The following CACNA2D3 variants were observed in gnomAD, a reference collection of about 807,000 sequenced individuals.
CACNA2D3 encodes the protein voltage-dependent calcium channel subunit alpha-2/delta-3.
Under a neutral mutation model 160.6 loss-of-function variants are expected in CACNA2D3, and 60 were observed. The ratio of observed to expected loss-of-function variants is 0.37; its 90% CI spans 0.30 to 0.46. CACNA2D3 has a LOEUF of 0.46. Among genes scored for constraint, CACNA2D3 ranks in the 20% least tolerant of loss-of-function variants. The probability of loss-of-function intolerance (pLI) is 1.00; values close to 1 mark genes in which losing one functional copy is unlikely to be tolerated. For synonymous variants in CACNA2D3, 558 were observed against 492.9 expected, an observed-to-expected ratio of 1.13 and a Z score of -1.75; for missense variants, 1,205 against 1,365.0, an observed-to-expected ratio of 0.88 and a Z score of 1.85.
intron 4 of CACNA2D3, among the ~76,000 whole-genome samples, chr3:54,403,181 C>T (rs1033124793): frequency 6.6e-6 from 1 of 151,744 alleles, no homozygotes; most frequent in Non-Finnish European, 1.5e-5. Flanking sequence ...CAAGTGAGAC[C>T]TGTCTCTGCA....
At chr3:54,822,790 C>CCTTTCTTTCTTTCTTTCTTTCTTTTCTTT (rs1703653575) in intron 14 of CACNA2D3, among the ~76,000 whole-genome samples, 1 of 71,912 alleles carries the variant, frequency 1.4e-5, no homozygotes, top group African/African-American at 5.8e-5. Context: ...TTCTTTCTTT[C>CCTTTCTTTCTTTCTTTCTTTCTTTTCTTT]CTTTCTTTCT....
At chr3:54,824,425 G>C (rs1232170733) in intron 14 of CACNA2D3, among the ~76,000 whole-genome samples, 1 of 152,226 alleles carries the variant, frequency 6.6e-6, no homozygotes, top group Non-Finnish European at 1.5e-5. Context: ...TGGAAAAAAT[G>C]AAGTGGGGTG....
At chr3:55,011,315 G>A (rs1485833289) in intron 34 of CACNA2D3, among the ~76,000 whole-genome samples, 2 of 152,156 alleles carry the variant, frequency 1.3e-5, no homozygotes, top group Non-Finnish European at 2.9e-5. Flanking sequence ...ACCCAATTTT[G>A]CTCCTCCCTG....
At chr3:54,206,180 C>A (rs930569460) in intron 2 of CACNA2D3, among the ~76,000 whole-genome samples, 1 of 152,126 alleles carries the variant, frequency 6.6e-6, no homozygotes, top group Non-Finnish European at 1.5e-5. Flanking sequence ...ATTCTCTTTT[C>A]GCATTTCTAG....
intron 13 of CACNA2D3, among the ~76,000 whole-genome samples, chr3:54,779,378 T>G (rs1168548913): frequency 6.6e-6 from 1 of 152,204 alleles, no homozygotes; most frequent in Non-Finnish European, 1.5e-5. Context: ...AGATTACAGG[T>G]GTGAGCTACC....
chr3:54,392,661 G>T (rs1239592009), intron 4 of CACNA2D3, among the ~76,000 whole-genome samples: 1 of 152,132 alleles, frequency 6.6e-6, no homozygotes, highest in African/African-American at 2.4e-5. Flanking sequence ...CAAAGGTGGG[G>T]TGGGGGCTTT....
At position 54,876,667 on chromosome 3, in the gene CACNA2D3, C is replaced by T. The variant is rs116293932; in HGVS notation, c.1711-2351C>T. 6.6e-3 allele frequency among the ~76,000 whole-genome samples: 1,010 copies of T among 152,332 alleles called. 10 individuals carry two copies. The highest frequency in any genetic ancestry group is 0.023 in the African/African-American group (969 of 41,592). On this transcript the variant is annotated intron_variant, in intron 18 of 37. Coordinates refer to ENST00000474759, the MANE Select transcript of CACNA2D3 (RefSeq NM_018398.3). ...GCATGGGCTCAAGAGGCAGAGGCCT[C>T]GTTACCCTGGGCAAACTTCTTATCT...
intron 4 of CACNA2D3, among the ~76,000 whole-genome samples, chr3:54,400,173 A>G (rs1053695343): frequency 8.9e-4 from 129 of 145,524 alleles, no homozygotes; most frequent in African/African-American, 2.9e-3. Flanking sequence ...CACGGTGCGC[A>G]CACACACTGG....
rs1395948016 is a variant in CACNA2D3, at chr3:54,891,389, G to C, written c.2185G>C (p.Gly729Arg). The C allele has an allele frequency of 6.2e-7, 1 of 1,613,846 alleles. No individual in the cohort carries two copies. Among genetic ancestry groups the C allele is most frequent in the Non-Finnish European group, 8.5e-7 (1 of 1,179,874 alleles). Residue 729 changes from glycine (G) to arginine (R), a missense_variant, in exon 25 of 38, where the codon GGC (glycine) becomes CGC (arginine). Transcript: ENST00000474759. ...CAAGGGCGTGGAGGTTGCCTTCCTCGGCACTCGCACGGGCCTCTCCAGAAT... is the reference window on the plus strand; with the variant it reads ...CAAGGGCGTGGAGGTTGCCTTCCTCCGCACTCGCACGGGCCTCTCCAGAAT... The part of the protein sequence containing the change: ...SDKGVEVAFL[G>R]TRTGLSRINL...
intron 2 of CACNA2D3, among the ~76,000 whole-genome samples, chr3:54,173,214 C>A (rs73085924): frequency 0.25 from 38,696 of 152,052 alleles, 5,042 homozygotes; most frequent in East Asian, 0.36. Context: ...ATTTCTCTGA[C>A]TTATTTGATC....
chr3:54,219,367 C>G (rs567477520), intron 2 of CACNA2D3, among the ~76,000 whole-genome samples: 164 of 152,274 alleles, frequency 1.1e-3, no homozygotes, highest in African/African-American at 3.8e-3. Flanking sequence ...TGACTTGCAC[C>G]TATTCATTTG....
chr3:54,365,702 A>G (rs1265269530), intron 3 of CACNA2D3, among the ~76,000 whole-genome samples: 1 of 152,174 alleles, frequency 6.6e-6, no homozygotes, highest in Admixed American at 6.5e-5. Context: ...TGTCTCTACT[A>G]AAAGTACAAA....
intron 35 of CACNA2D3, among the ~76,000 whole-genome samples, chr3:55,045,962 T>C (rs1704069773): frequency 6.6e-6 from 1 of 152,072 alleles, no homozygotes; most frequent in Admixed American, 6.5e-5. Context: ...TAGTTTCTTA[T>C]AGTAGAAACT....
chr3:54,968,468 A>C lies in CACNA2D3; in HGVS notation c.2468A>C (p.Lys823Thr). Residue 823 changes from lysine (K) to threonine (T), a missense_variant, in exon 28 of 38, where the codon AAA becomes ACA. By Grantham distance (78) the Lys-to-Thr change is moderately conservative. Coordinates refer to ENST00000474759, the MANE Select transcript of CACNA2D3 (RefSeq NM_018398.3). Reference sequence around the variant, plus strand: ...GTCCCAGCTGTAGGCATTCAGATGAAACTTGAATTTTTCCAAAGGAAGTTC... The same window carrying C: ...GTCCCAGCTGTAGGCATTCAGATGACACTTGAATTTTTCCAAAGGAAGTTC... ...PVVAAVGIQM[K>T]LEFFQRKFWT... 6.2e-7 allele frequency: 1 copy of C among 1,609,798 alleles called. No homozygotes were observed. Among genetic ancestry groups the C allele is most frequent in the Non-Finnish European group, 8.5e-7 (1 of 1,177,704 alleles).
chr3:54,291,336 A>C (rs1258044304), intron 2 of CACNA2D3, among the ~76,000 whole-genome samples: 3 of 152,216 alleles, frequency 2.0e-5, no homozygotes, highest in African/African-American at 7.2e-5. Flanking sequence ...AGGCAATTAA[A>C]ATGGCATGTC....
chr3:54,459,230 A>T (rs907747772), intron 4 of CACNA2D3, among the ~76,000 whole-genome samples: 1 of 151,866 alleles, frequency 6.6e-6, no homozygotes, highest in African/African-American at 2.4e-5. Context: ...TGCAATAAAC[A>T]TATGTGTGCA....
At chr3:54,681,382 CAAAAAAAAAAAAAAAA>C (rs565556596) in intron 11 of CACNA2D3, among the ~76,000 whole-genome samples, 2 of 62,096 alleles carry the variant, frequency 3.2e-5, no homozygotes, top group Admixed American at 3.3e-4. Flanking sequence ...ACTAAAAATA[CAAAAAAAAAAAAAAAA>C]AAAAAAAAAA....
At chr3:55,068,664 A>G (rs1302999655) in intron 35 of CACNA2D3, among the ~76,000 whole-genome samples, 1 of 152,090 alleles carries the variant, frequency 6.6e-6, no homozygotes, top group Non-Finnish European at 1.5e-5. Context: ...GTCTCCTTTC[A>G]TGACAGTAAA....
intron 11 of CACNA2D3, among the ~76,000 whole-genome samples, chr3:54,689,010 A>AAGAG (rs1553785966): frequency 0.033 from 2,826 of 85,246 alleles, 852 homozygotes; most frequent in African/African-American, 0.038. Flanking sequence ...AAAAAAAAAA[A>AAGAG]AGAATGAGGT....
Sources: allele counts gnomAD v4.1 joint callset (sites outside exome capture counted in the v4.1 genomes callset), GRCh38; gene constraint gnomAD v4.1.1; transcripts MANE v1.5; gene names NCBI Gene and HGNC (gene_info 2026-07-23, HGNC 2026-07-21).